The following PDE4D variants were observed in gnomAD, a reference collection of about 807,000 sequenced individuals.
PDE4D encodes phosphodiesterase 4D.
PDE4D carries 24 observed loss-of-function variants against 87.4 expected under a neutral mutation model. The ratio of observed to expected loss-of-function variants is 0.27; its 90% CI spans 0.20 to 0.39. The LOEUF is 0.39. Among genes scored for constraint, PDE4D ranks in the 10% least tolerant of loss-of-function variants. The pLI is 1.00. For synonymous variants in PDE4D, 384 were observed against 383.2 expected, an observed-to-expected ratio of 1.00 and a Z score of -0.02; for missense variants, 714 against 1,041.0, an observed-to-expected ratio of 0.69 and a Z score of 4.32.
chr5:59,879,264 G>A (rs1000551930), intron 1 of PDE4D, among the ~76,000 whole-genome samples: 5 of 152,120 alleles, frequency 3.3e-5, no homozygotes, highest in Non-Finnish European at 4.4e-5. Context: ...AAACCAATCA[G>A]TGCCTCTGTA....
chr5:59,446,197 T>C (rs1464282660), intron 1 of PDE4D, among the ~76,000 whole-genome samples: 1 of 152,146 alleles, frequency 6.6e-6, no homozygotes, highest in Admixed American at 6.5e-5. Flanking sequence ...TAGACAAATA[T>C]CAATGGATCA....
At chr5:58,982,676 G>A (rs963581386) in intron 11 of PDE4D, among the ~76,000 whole-genome samples, 1 of 152,154 alleles carries the variant, frequency 6.6e-6, no homozygotes, top group South Asian at 2.1e-4. Context: ...TATGCTGCTG[G>A]TGGATTGCGC....
rs77942566 is a variant in PDE4D, at chr5:59,711,595, A to G, written c.455+181573T>C. On this transcript the variant is annotated intron_variant, in intron 1 of 14. Transcript: ENST00000340635. Reference sequence around the variant, plus strand: ...AAAGCTAGTTGGGAATCACAATCAAAATGGATTGTTCATCATTTACTACAA... The same window carrying G: ...AAAGCTAGTTGGGAATCACAATCAAGATGGATTGTTCATCATTTACTACAA... Among the ~76,000 whole-genome samples the G allele has an allele frequency of 9.9e-5, 15 of 152,276 alleles. No individual in the cohort carries two copies. In the East Asian group the frequency reaches 2.9e-3, roughly 29 times the overall value.
chr5:60,435,805 A>G (rs747510803), intron 1 of PDE4D, among the ~76,000 whole-genome samples: 1 of 152,060 alleles, frequency 6.6e-6, no homozygotes, highest in Non-Finnish European at 1.5e-5. Context: ...ACCTCTTTCT[A>G]TTTGCAACCT....
chr5:60,262,089 T>C (rs1749704258), intron 1 of PDE4D, among the ~76,000 whole-genome samples: 1 of 152,074 alleles, frequency 6.6e-6, no homozygotes, highest in Non-Finnish European at 1.5e-5. Flanking sequence ...CTAAAGTCCT[T>C]CTAATCTACC....
chr5:59,036,821 G>C (rs1195312965), intron 6 of PDE4D, among the ~76,000 whole-genome samples: 1 of 152,138 alleles, frequency 6.6e-6, no homozygotes, highest in Non-Finnish European at 1.5e-5. Context: ...ATTCAGCTCT[G>C]TCGTGGGCTA....
intron 5 of PDE4D, among the ~76,000 whole-genome samples, chr5:59,092,405 C>T (rs993893073): frequency 2.0e-5 from 3 of 152,112 alleles, no homozygotes; most frequent in Non-Finnish European, 4.4e-5. Context: ...ATGCAGTCCT[C>T]ATAAAGACAG....
chr5:59,207,139 A>G (rs1748972871), intron 2 of PDE4D, among the ~76,000 whole-genome samples: 1 of 152,144 alleles, frequency 6.6e-6, no homozygotes, highest in African/African-American at 2.4e-5. Context: ...AGCTGTGATT[A>G]CACTGCTGCA....
chr5:60,248,103 G>A (rs565758933), intron 1 of PDE4D, among the ~76,000 whole-genome samples: 1 of 152,078 alleles, frequency 6.6e-6, no homozygotes, highest in South Asian at 2.1e-4. Flanking sequence ...AAGAAGATAG[G>A]GTAAGTGGAG....
chr5:59,069,721 T>C (rs181179284), intron 5 of PDE4D, among the ~76,000 whole-genome samples: 26 of 151,600 alleles, frequency 1.7e-4, no homozygotes, highest in African/African-American at 5.3e-4. Context: ...TGGTCTACTG[T>C]GGTTGCAACA....
chr5:59,387,864 C>T (rs1014107509), intron 1 of PDE4D, among the ~76,000 whole-genome samples: 1 of 152,032 alleles, frequency 6.6e-6, no homozygotes, highest in Non-Finnish European at 1.5e-5. Context: ...ACTATAGTCA[C>T]CCTGAGGTAC....
intron 1 of PDE4D, among the ~76,000 whole-genome samples, chr5:60,449,351 A>G (rs1053999581): frequency 1.3e-5 from 2 of 151,950 alleles, no homozygotes; most frequent in Admixed American, 6.6e-5. Flanking sequence ...CTCTCTCTTC[A>G]TAATAATTGG....
At chr5:60,481,063 A>T (rs151166164) in intron 1 of PDE4D, among the ~76,000 whole-genome samples, 2 of 152,308 alleles carry the variant, frequency 1.3e-5, no homozygotes, top group Non-Finnish European at 2.9e-5. Flanking sequence ...TTTTTAGGTC[A>T]GGATATGAAG....
intron 3 of PDE4D, among the ~76,000 whole-genome samples, chr5:59,934,509 A>C (rs1236814484): frequency 6.6e-6 from 1 of 152,198 alleles, no homozygotes; most frequent in African/African-American, 2.4e-5. Context: ...AAATTTTATT[A>C]CTGACAACAA....
At chr5:59,126,441 T>C (rs920856298) in intron 5 of PDE4D, among the ~76,000 whole-genome samples, 3 of 152,222 alleles carry the variant, frequency 2.0e-5, no homozygotes, top group African/African-American at 7.2e-5. Flanking sequence ...GCACACTTAA[T>C]ATAATTTTTA....
chr5:60,253,287 C>T (rs2149687151), intron 1 of PDE4D, among the ~76,000 whole-genome samples: 1 of 151,996 alleles, frequency 6.6e-6, no homozygotes, highest in South Asian at 2.1e-4. Context: ...TGTTTTCTCT[C>T]TTGACATAGG....
chr5:59,487,203 T>C (rs143980701), intron 1 of PDE4D, among the ~76,000 whole-genome samples: 7 of 152,230 alleles, frequency 4.6e-5, no homozygotes, highest in African/African-American at 1.7e-4. Flanking sequence ...TAAGAAGAGA[T>C]GTAACAATGA....
intron 1 of PDE4D, among the ~76,000 whole-genome samples, chr5:59,581,840 G>C (rs1272130523): frequency 6.6e-6 from 1 of 152,240 alleles, no homozygotes; most frequent in Admixed American, 6.5e-5. Flanking sequence ...AAAGCCAAGA[G>C]AAAAGTTTTA....
chr5:59,608,476 A>C (rs910245669), intron 1 of PDE4D, among the ~76,000 whole-genome samples: 4 of 152,190 alleles, frequency 2.6e-5, no homozygotes, highest in Non-Finnish European at 5.9e-5. Context: ...GGATGAGTGC[A>C]TGTATTTCCT....
Sources: gnomAD v4.1 joint callset for allele counts (sites outside exome capture counted in the v4.1 genomes callset) on GRCh38, gnomAD v4.1.1 for gene constraint, MANE v1.5 for transcripts, NCBI Gene and HGNC (gene_info 2026-07-23, HGNC 2026-07-21) for gene names.